The following FSTL5 variants were observed in gnomAD, a reference collection of about 807,000 sequenced individuals.
FSTL5 encodes the protein follistatin-related protein 5.
In FSTL5, 62 loss-of-function variants were observed where a neutral mutation model predicts 89.1. That is an observed-to-expected ratio of 0.70 (90% confidence interval 0.57 to 0.86). The LOEUF (loss-of-function observed/expected upper bound fraction) is 0.86, where lower values mean the gene tolerates loss of function less well. FSTL5 is among the 40% of genes least tolerant of loss of function. FSTL5 has a pLI of 0.00. For synonymous variants in FSTL5, 383 were observed against 346.2 expected, an observed-to-expected ratio of 1.11 and a Z score of -1.18; for missense variants, 1,057 against 1,001.6, an observed-to-expected ratio of 1.06 and a Z score of -0.75.
chr4:162,129,133 A>G (rs182611271), intron 1 of FSTL5, among the ~76,000 whole-genome samples: 201 of 152,280 alleles, frequency 1.3e-3, no homozygotes, highest in African/African-American at 4.5e-3. Context: ...GGGTTTCGCC[A>G]TGTTGACCAG....
intron 15 of FSTL5, among the ~76,000 whole-genome samples, chr4:161,402,802 G>A (rs1043863447): frequency 2.0e-5 from 3 of 151,364 alleles, no homozygotes; most frequent in Non-Finnish European, 4.4e-5. Context: ...CATCAAAATA[G>A]TAATTAGTTA....
At chr4:161,427,849 G>C (rs759028726) in intron 15 of FSTL5, among the ~76,000 whole-genome samples, 10 of 152,150 alleles carry the variant, frequency 6.6e-5, no homozygotes, top group Non-Finnish European at 1.3e-4. Context: ...GCCTTCACCA[G>C]TTGTCCTCCC....
chr4:161,621,827 CA>C (rs58143952), intron 7 of FSTL5, among the ~76,000 whole-genome samples: 3,149 of 90,332 alleles, frequency 0.035, 44 homozygotes, highest in East Asian at 0.09. Flanking sequence ...TCTAAAAATA[CA>C]AAAAAAAAAA....
chr4:161,633,257 T>C (rs1735560078), intron 7 of FSTL5, among the ~76,000 whole-genome samples: 1 of 149,472 alleles, frequency 6.7e-6, no homozygotes, highest in African/African-American at 2.4e-5. Context: ...CTTTTGTTTT[T>C]GTTTTTGTTT....
At chr4:161,845,783 C>A (rs1354481762) in intron 4 of FSTL5, among the ~76,000 whole-genome samples, 4 of 152,064 alleles carry the variant, frequency 2.6e-5, no homozygotes, top group Non-Finnish European at 5.9e-5. Flanking sequence ...GCCAGGCGCA[C>A]GTCTGTAATC....
At chr4:161,993,088 C>T (rs1375710696) in intron 3 of FSTL5, among the ~76,000 whole-genome samples, 5 of 150,150 alleles carry the variant, frequency 3.3e-5, no homozygotes, top group African/African-American at 1.2e-4. Context: ...TGAATGGTCA[C>T]CCCATGGCTC....
At chr4:161,933,390 C>T (rs7340983) in intron 3 of FSTL5, among the ~76,000 whole-genome samples, 1 of 152,044 alleles carries the variant, frequency 6.6e-6, no homozygotes. Context: ...AAATAATCAC[C>T]TAAGCACTGA....
chr4:161,778,823 A>G (rs1741515429), intron 4 of FSTL5, among the ~76,000 whole-genome samples: 1 of 152,230 alleles, frequency 6.6e-6, no homozygotes, highest in Admixed American at 6.5e-5. Context: ...GAACCTTCAA[A>G]TAGCAAACAT....
At position 162,107,912 on chromosome 4, in the gene FSTL5, G is replaced by A. The variant is rs189500694; in HGVS notation, c.126+3359C>T. On this transcript the variant is annotated intron_variant, in intron 2 of 15. Coordinates refer to ENST00000306100, the MANE Select transcript of FSTL5 (RefSeq NM_020116.5). ...TTTAATAATGCCATGTGAATAAACAGGAATAATATTCCCTACATCCCAGGA... is the reference window on the plus strand; with the variant it reads ...TTTAATAATGCCATGTGAATAAACAAGAATAATATTCCCTACATCCCAGGA... Among the ~76,000 whole-genome samples the A allele has an allele frequency of 2.3e-3, 343 of 152,000 alleles. 1 individual carries two copies. Among genetic ancestry groups the A allele is most frequent in the Non-Finnish European group, 3.3e-3 (222 of 67,954 alleles).
At chr4:161,494,140 G>C (rs987762185) in intron 12 of FSTL5, among the ~76,000 whole-genome samples, 2 of 152,064 alleles carry the variant, frequency 1.3e-5, no homozygotes, top group African/African-American at 4.8e-5. Context: ...CCTCTCTTCA[G>C]GAAGCTCTTT....
chr4:161,926,399 T>TTTTG (rs750759601), intron 3 of FSTL5, among the ~76,000 whole-genome samples: 20 of 30,034 alleles, frequency 6.7e-4, no homozygotes, highest in African/African-American at 1.4e-3. Flanking sequence ...AGAAGGTTTT[T>TTTTG]TTTTTTTGTT....
chr4:162,095,238 T>C (rs1730705096), intron 2 of FSTL5, among the ~76,000 whole-genome samples: 1 of 152,110 alleles, frequency 6.6e-6, no homozygotes, highest in African/African-American at 2.4e-5. Context: ...ATAGCAACAG[T>C]TAATTCTAAA....
chr4:161,887,228 A>C (rs1396158197), intron 4 of FSTL5, among the ~76,000 whole-genome samples: 1 of 152,186 alleles, frequency 6.6e-6, no homozygotes, highest in Non-Finnish European at 1.5e-5. Flanking sequence ...TGCTCAGAAA[A>C]GAACAAAAAA....
intron 6 of FSTL5, among the ~76,000 whole-genome samples, chr4:161,660,689 C>T (rs768150566): frequency 4.6e-5 from 7 of 152,018 alleles, no homozygotes; most frequent in Non-Finnish European, 1.0e-4. Context: ...GTGTTCTCAT[C>T]ATTTAGCTCC....
intron 4 of FSTL5, among the ~76,000 whole-genome samples, chr4:161,778,254 G>A (rs1741492741): frequency 6.6e-6 from 1 of 152,042 alleles, no homozygotes; most frequent in South Asian, 2.1e-4. Context: ...ACTGCTTACA[G>A]CAAATGCGAT....
At chr4:161,624,867 G>T (rs1401540078) in intron 7 of FSTL5, among the ~76,000 whole-genome samples, 1 of 152,060 alleles carries the variant, frequency 6.6e-6, no homozygotes, top group Non-Finnish European at 1.5e-5. Context: ...TTTGCTGTAT[G>T]CCAAACTTTA....
chr4:161,642,970 C>G (rs185979903), intron 7 of FSTL5, among the ~76,000 whole-genome samples: 1 of 152,066 alleles, frequency 6.6e-6, no homozygotes, highest in Admixed American at 6.5e-5. Flanking sequence ...GTGTATTCAA[C>G]CACAATTTAA....
rs1560829864 is a variant in FSTL5, at chr4:161,759,533, T to G, written c.607-2A>C. ...GCCAAGTTCTTCCTGTTTTATCACCTAACAAGAAAATTATAAACCATACCT... is the reference window on the plus strand; with the variant it reads ...GCCAAGTTCTTCCTGTTTTATCACCGAACAAGAAAATTATAAACCATACCT... On this transcript the variant is annotated splice_acceptor_variant, in intron 5 of 15. Transcript: ENST00000306100. LOFTEE classifies it high-confidence loss of function. The G allele has an allele frequency of 4.6e-6, 7 of 1,524,804 alleles. No homozygotes were observed. The highest frequency in any genetic ancestry group is 6.2e-6 in the Non-Finnish European group (7 of 1,131,110). 94.5% of individuals were successfully genotyped at this position (1,524,804 alleles called of 1,614,324 possible). A position where few individuals can be genotyped will look rare whatever the true frequency, so the allele number is the denominator to read the frequency against.
At chr4:161,726,227 C>CTTTTTTTTTTTTTTTTTTTTTTTTT (rs5863477) in intron 6 of FSTL5, among the ~76,000 whole-genome samples, 5 of 113,674 alleles carry the variant, frequency 4.4e-5, no homozygotes, top group South Asian at 2.8e-4. Flanking sequence ...TTTTCTTTTT[C>CTTTTTTTTTTTTTTTTTTTTTTTTT]TTTTTTTTTT....
Sources: allele counts gnomAD v4.1 joint callset (sites outside exome capture counted in the v4.1 genomes callset), GRCh38; gene constraint gnomAD v4.1.1; transcripts MANE v1.5; gene names NCBI Gene and HGNC (gene_info 2026-07-23, HGNC 2026-07-21).